The following DOCK9 variants were observed in gnomAD, a reference collection of about 807,000 sequenced individuals.
The protein encoded by DOCK9 is dedicator of cytokinesis protein 9.
A neutral mutation model predicts 263.3 loss-of-function variants in DOCK9; 89 were observed. The ratio of observed to expected loss-of-function variants is 0.34; its 90% CI spans 0.28 to 0.40. DOCK9 has a LOEUF of 0.40. Among genes scored for constraint, DOCK9 ranks in the 10% least tolerant of loss-of-function variants. DOCK9 has a pLI of 1.00. For missense variants in DOCK9, 2,140 were observed against 2,603.4 expected, an observed-to-expected ratio of 0.82 and a Z score of 3.87; for synonymous variants, 976 against 973.1, an observed-to-expected ratio of 1.00 and a Z score of -0.06.
intron 48 of DOCK9, 141 bp downstream of exon 48, chr13:98,807,520 G>A (rs1486091047): frequency 4.0e-5 from 27 of 680,544 alleles, no homozygotes; most frequent in Non-Finnish European, 5.7e-5. Context: ...AAAGGTATCA[G>A]GAAGAAAATA....
intron 1 of DOCK9, among the ~76,000 whole-genome samples, chr13:98,972,954 T>C (rs1258840648): frequency 6.6e-6 from 1 of 152,206 alleles, no homozygotes; most frequent in Non-Finnish European, 1.5e-5. Flanking sequence ...AAATGTGGGT[T>C]GACTGAATTA....
chr13:99,074,675 T>C (rs944991121), intron 1 of DOCK9, among the ~76,000 whole-genome samples: 7 of 152,256 alleles, frequency 4.6e-5, no homozygotes, highest in African/African-American at 1.7e-4. Flanking sequence ...TCATGTGAAT[T>C]CTTGGTAAAC....
At chr13:98,919,245 G>T (rs1031891697) in intron 7 of DOCK9, among the ~76,000 whole-genome samples, 2 of 152,054 alleles carry the variant, frequency 1.3e-5, no homozygotes, top group Non-Finnish European at 2.9e-5. Context: ...AAGTAGCTGG[G>T]ATTACACGCA....
chr13:99,058,448 C>G (rs544972258), intron 1 of DOCK9, among the ~76,000 whole-genome samples: 1 of 152,258 alleles, frequency 6.6e-6, no homozygotes, highest in South Asian at 2.1e-4. Flanking sequence ...GGGCATGAGC[C>G]ACTGCACCTG....
intron 1 of DOCK9, among the ~76,000 whole-genome samples, chr13:99,046,489 C>G (rs150777260): frequency 1.3e-5 from 2 of 152,308 alleles, no homozygotes; most frequent in Admixed American, 6.5e-5. Flanking sequence ...TAGCTGCGCT[C>G]CGGAAAACAG....
intron 49 of DOCK9, among the ~76,000 whole-genome samples, chr13:98,801,915 T>G (rs184812194): frequency 1.1e-3 from 173 of 152,376 alleles, no homozygotes; most frequent in South Asian, 2.5e-3. Context: ...ATAGGCCTGT[T>G]GCCTTTTCAC....
At position 98,961,312 on chromosome 13, in the gene DOCK9, G is replaced by A. The variant is rs140381541; in HGVS notation, c.127-5761C>T. Among the ~76,000 whole-genome samples the A allele has an allele frequency of 2.1e-3, 313 of 152,260 alleles. 1 individual carries two copies. Among genetic ancestry groups the A allele is most frequent in the African/African-American group, 6.7e-3 (280 of 41,542 alleles). On this transcript the variant is annotated intron_variant, in intron 1 of 52. Coordinates refer to ENST00000682017, the MANE Select transcript of DOCK9 (RefSeq NM_001366683.2). ...AGTCTCATGGTAAGCCCGGGGGCCC[G>A]CCCAGCAAAGAGGCAATGTTGCGTC... is the stretch of plus-strand genomic sequence containing the variant.
intron 45 of DOCK9, among the ~76,000 whole-genome samples, chr13:98,816,225 T>G (rs772311): frequency 0.4 from 60,508 of 151,906 alleles, 12,499 homozygotes; most frequent in African/African-American, 0.44. Context: ...TCTATTAGGC[T>G]ATGTGTCATG....
chr13:98,976,546 C>T (rs2060295802), intron 1 of DOCK9, among the ~76,000 whole-genome samples: 1 of 152,198 alleles, frequency 6.6e-6, no homozygotes, highest in South Asian at 2.1e-4. Context: ...TCCTAAGTTA[C>T]ATCAGCTGCT....
At chr13:98,884,017 T>A in intron 21 of DOCK9, 118 bp from the exon 22 acceptor site, 1 of 696,372 alleles carries the variant, frequency 1.4e-6, no homozygotes, top group Non-Finnish European at 2.4e-6. Context: ...TTTAGTGACT[T>A]GGCGACTGTG....
chr13:98,898,060 A>C (rs1232334341), intron 14 of DOCK9, 119 bp downstream of exon 14: 1 of 716,688 alleles, frequency 1.4e-6, no homozygotes, highest in African/African-American at 1.8e-5. Flanking sequence ...GGGCTTATGT[A>C]TTTCTCAGTT....
intron 13 of DOCK9, 44 bp from the exon 14 acceptor site, chr13:98,898,305 GA>G (rs1467868045): frequency 5.4e-6 from 8 of 1,492,140 alleles, no homozygotes; most frequent in Non-Finnish European, 7.4e-6. Flanking sequence ...GCATCTCACT[GA>G]AAGAACTGTG....
chr13:98,848,577 A>C lies in DOCK9; in HGVS notation c.4061+15T>G, dbSNP rs2141432415. 1 of 1,609,566 alleles carries C rather than the reference A, an allele frequency of 6.2e-7. No individual in the cohort carries two copies. Among genetic ancestry groups the C allele is most frequent in the Non-Finnish European group, 8.5e-7 (1 of 1,178,224 alleles). Reference sequence around the variant, plus strand: ...CAGAAAACAACACGTTTCGAATGAAAACGCCCCACAGTACCTGGCTATGTA... The same window carrying C: ...CAGAAAACAACACGTTTCGAATGAACACGCCCCACAGTACCTGGCTATGTA... On this transcript the variant is annotated intron_variant, in intron 37 of 52. Transcript: ENST00000682017.
At chr13:99,034,450 CA>C (rs1887652742) in intron 1 of DOCK9, among the ~76,000 whole-genome samples, 1 of 152,162 alleles carries the variant, frequency 6.6e-6, no homozygotes, top group African/African-American at 2.4e-5. Flanking sequence ...GGGAAAAACC[CA>C]GGCTCAGAAG....
chr13:99,080,743 C>G (rs147589678), intron 1 of DOCK9, among the ~76,000 whole-genome samples: 4,186 of 152,326 alleles, frequency 0.027, 96 homozygotes, highest in South Asian at 0.062. Flanking sequence ...TCATCTTCCT[C>G]TGGTCACTGA....
At chr13:98,843,057 G>A (rs2093276800) in intron 38 of DOCK9, among the ~76,000 whole-genome samples, 2 of 152,174 alleles carry the variant, frequency 1.3e-5, no homozygotes, top group African/African-American at 4.8e-5. Flanking sequence ...CGTTTCCCAT[G>A]GGCCTCTGCT....
At chr13:98,915,585 T>A in intron 7 of DOCK9, 82 bp from the exon 8 acceptor site, 2 of 1,351,182 alleles carry the variant, frequency 1.5e-6, no homozygotes, top group African/African-American at 1.5e-5. Flanking sequence ...TGTTGGTGAG[T>A]GATATCTCAT....
intron 13 of DOCK9, 108 bp from the exon 14 acceptor site, chr13:98,898,369 G>C: frequency 1.3e-6 from 1 of 773,116 alleles, no homozygotes; most frequent in Non-Finnish European, 2.2e-6. Context: ...CCATAGCATT[G>C]GATGCATAGA....
At chr13:98,963,351 A>G (rs566653360) in intron 1 of DOCK9, among the ~76,000 whole-genome samples, 4 of 152,348 alleles carry the variant, frequency 2.6e-5, no homozygotes, top group Admixed American at 6.5e-5. Context: ...TCTTAGTGCC[A>G]GGAAAATGAG....
Sources: gnomAD v4.1 joint callset for allele counts (sites outside exome capture counted in the v4.1 genomes callset) on GRCh38, gnomAD v4.1.1 for gene constraint, MANE v1.5 for transcripts, NCBI Gene and HGNC (gene_info 2026-07-23, HGNC 2026-07-21) for gene names.